ARHGEF3: variants seen among roughly 807,000 people sequenced by gnomAD.
ARHGEF3 encodes the protein Rho guanine nucleotide exchange factor 3.
Under a neutral mutation model 63.2 loss-of-function variants are expected in ARHGEF3, and 28 were observed. The observed-to-expected ratio is 0.44, with a 90% CI of 0.33 to 0.61. ARHGEF3 has a LOEUF of 0.61. Among genes scored for constraint, ARHGEF3 ranks in the 20% least tolerant of loss-of-function variants. ARHGEF3 has a pLI of 0.03. For synonymous variants in ARHGEF3, 266 were observed against 254.2 expected, an observed-to-expected ratio of 1.05 and a Z score of -0.44; for missense variants, 533 against 659.3, an observed-to-expected ratio of 0.81 and a Z score of 2.10.
intron 1 of ARHGEF3, among the ~76,000 whole-genome samples, chr3:57,057,593 C>A (rs1459800742): frequency 6.6e-6 from 1 of 151,642 alleles, no homozygotes; most frequent in Non-Finnish European, 1.5e-5. Context: ...AGGGCCTGGC[C>A]CAGGGTAAGT....
At chr3:56,970,109 C>T (rs574880824) in intron 2 of ARHGEF3, among the ~76,000 whole-genome samples, 8 of 152,166 alleles carry the variant, frequency 5.3e-5, no homozygotes, top group African/African-American at 1.7e-4. Context: ...TTCTGGAATT[C>T]GATAGTGGTG....
At position 56,844,982 on chromosome 3, in the gene ARHGEF3, C is replaced by T. The variant is rs538764939; in HGVS notation, c.192+37310G>A. Reference sequence around the variant, plus strand: ...TGGGTTATGTACTCATATTTTGAGGCAACTCTTTCCATTGCTGGAATCAAA... The same window carrying T: ...TGGGTTATGTACTCATATTTTGAGGTAACTCTTTCCATTGCTGGAATCAAA... On this transcript the variant is annotated intron_variant, in intron 4 of 12. Transcript: ENST00000338458. 4.6e-5 allele frequency among the ~76,000 whole-genome samples: 7 copies of T among 152,288 alleles called. No individual in the cohort carries two copies. The East Asian group carries it at 1.4e-3, about 29-fold the overall frequency.
intron 1 of ARHGEF3, among the ~76,000 whole-genome samples, chr3:57,047,126 T>A (rs528720559): frequency 6.6e-6 from 1 of 152,172 alleles, no homozygotes; most frequent in East Asian, 1.9e-4. Context: ...GGTGGGCAGA[T>A]CACCTGAGGT....
intron 4 of ARHGEF3, among the ~76,000 whole-genome samples, chr3:56,806,992 T>C (rs1325387159): frequency 6.6e-6 from 1 of 152,138 alleles, no homozygotes; most frequent in Non-Finnish European, 1.5e-5. Context: ...CAAGCAATTT[T>C]CCCGCCTCAG....
At position 56,946,252 on chromosome 3, in the gene ARHGEF3, C is replaced by T. The variant is rs182237545; in HGVS notation, c.129+12571G>A. Among the ~76,000 whole-genome samples the T allele has an allele frequency of 4.6e-5, 7 of 152,264 alleles. No homozygotes were observed. The East Asian group carries it at 1.4e-3, about 29-fold the overall frequency. On this transcript the variant is annotated intron_variant, in intron 3 of 12. Coordinates refer to the ARHGEF3 transcript ENST00000338458. ...TCCTCCAAAGGAATACAGCTCCTCA[C>T]CAGCAATGGAACAAAGCTGGATGGA...
chr3:56,740,549 T>C (rs1172394138), intron 7 of ARHGEF3, among the ~76,000 whole-genome samples: 20 of 152,238 alleles, frequency 1.3e-4, no homozygotes, highest in Admixed American at 1.2e-3. Flanking sequence ...CAAATTACTT[T>C]AACTGTTTAT....
rs1466668284 is a variant in ARHGEF3 at position 57,066,269 on chromosome 3, TC to T, written c.-28+12956del. 7.3e-5 allele frequency among the ~76,000 whole-genome samples: 11 copies of T among 151,274 alleles called. No homozygotes were observed. In the South Asian group the frequency reaches 1.3e-3, roughly 17 times the overall value. ...CCAACCATTACACTTTTCCTTTCTT[TC>T]TTTTTTTTTTTTTCTGAAACAGAGT... On this transcript the variant is annotated intron_variant, in intron 1 of 12. Transcript: ENST00000338458.
At chr3:56,812,731 C>T (rs1179033794) in intron 4 of ARHGEF3, among the ~76,000 whole-genome samples, 8 of 152,218 alleles carry the variant, frequency 5.3e-5, no homozygotes, top group Admixed American at 1.3e-4. Flanking sequence ...TGGTGCTTAT[C>T]TGAAGTTCAA....
chr3:56,816,029 C>T (rs529287960), intron 4 of ARHGEF3, among the ~76,000 whole-genome samples: 9 of 152,192 alleles, frequency 5.9e-5, no homozygotes, highest in African/African-American at 2.2e-4. Flanking sequence ...GGCTGACCAA[C>T]ATAGTGAGAT....
chr3:56,951,068 G>T (rs527355917), intron 3 of ARHGEF3, among the ~76,000 whole-genome samples: 180 of 151,736 alleles, frequency 1.2e-3, no homozygotes, highest in African/African-American at 4.2e-3. Flanking sequence ...TCATAGGTGG[G>T]AATTGAACAA....
intron 2 of ARHGEF3, among the ~76,000 whole-genome samples, chr3:56,764,763 T>A (rs2035611657): frequency 6.6e-6 from 1 of 151,704 alleles, no homozygotes; most frequent in Non-Finnish European, 1.5e-5. Flanking sequence ...CAAATTTTTT[T>A]TTTTTTTTTT....
upstream of ARHGEF3, chr3:56,802,064 C>G (rs547741339): frequency 2.4e-4 from 311 of 1,278,226 alleles, 3 homozygotes; most frequent in East Asian, 9.9e-3. Context: ...CGTGCCGCAG[C>G]GCGGACACCT....
chr3:56,809,440 C>T (rs59104985), intron 4 of ARHGEF3, among the ~76,000 whole-genome samples: 5,302 of 152,090 alleles, frequency 0.035, 289 homozygotes, highest in African/African-American at 0.12. Context: ...AATGAAAACC[C>T]TAAGGGGTTT....
chr3:56,791,575 T>G (rs2037078282), intron 1 of ARHGEF3, among the ~76,000 whole-genome samples: 1 of 152,222 alleles, frequency 6.6e-6, no homozygotes, highest in South Asian at 2.1e-4. Context: ...TGGAGATTAC[T>G]CTGCACAGTG....
At chr3:56,880,237 T>A (rs2040722817) in intron 4 of ARHGEF3, among the ~76,000 whole-genome samples, 6 of 152,106 alleles carry the variant, frequency 3.9e-5, no homozygotes, top group Admixed American at 3.9e-4. Context: ...GCCATGTTGG[T>A]GGTAATGGGG....
At chr3:56,730,813 A>G (rs879797742) in intron 9 of ARHGEF3, among the ~76,000 whole-genome samples, 1 of 152,308 alleles carries the variant, frequency 6.6e-6, no homozygotes, top group African/African-American at 2.4e-5. Flanking sequence ...GGGAACCACC[A>G]CCACTTCCAA....
chr3:56,771,035 C>T (rs1339758355), intron 2 of ARHGEF3, among the ~76,000 whole-genome samples: 3 of 151,982 alleles, frequency 2.0e-5, no homozygotes, highest in African/African-American at 4.8e-5. Flanking sequence ...ATCGCTTGAA[C>T]CCGAGAGGTG....
rs1701776164 is a variant in ARHGEF3 at position 56,992,177 on chromosome 3, C to T, written c.63-33288G>A. Among the ~76,000 whole-genome samples, 2 of 151,488 alleles carry T rather than the reference C, an allele frequency of 1.3e-5. 1 individual carries two copies. Among genetic ancestry groups the T allele is most frequent in the South Asian group, 4.2e-4 (2 of 4,770 alleles). ...GGATGGTCCTTAGAACCAGCTTTCT[C>T]ATCCTCATCCTGCTAGTTCGCTCAT... On this transcript the variant is annotated intron_variant, in intron 2 of 12. Transcript: ENST00000338458.
chr3:56,773,690 C>G lies in ARHGEF3; in HGVS notation c.204+19G>C. ...CACCATGATTTTCTGCAACCACAGGCCCTGTGTGCCCTTCTTACCTGCAGG... is the reference window on the plus strand; with the variant it reads ...CACCATGATTTTCTGCAACCACAGGGCCTGTGTGCCCTTCTTACCTGCAGG... On this transcript the variant is annotated intron_variant, in intron 2 of 9. Transcript: ENST00000296315. 6.4e-7 allele frequency: 1 copy of G among 1,552,112 alleles called. No individual in the cohort carries two copies. Among genetic ancestry groups the G allele is most frequent in the East Asian group, 2.3e-5 (1 of 43,150 alleles).
Sources: allele counts gnomAD v4.1 joint callset (sites outside exome capture counted in the v4.1 genomes callset), GRCh38; gene constraint gnomAD v4.1.1; transcripts MANE v1.5; gene names NCBI Gene and HGNC (gene_info 2026-07-23, HGNC 2026-07-21).